PCCA: variants seen among roughly 807,000 people sequenced by gnomAD.
PCCA encodes the protein propionyl-CoA carboxylase subunit alpha, also known as propionyl-CoA carboxylase alpha chain, mitochondrial.
In PCCA, 74 loss-of-function variants were observed where a neutral mutation model predicts 101.3. The observed-to-expected ratio is 0.73, with a 90% CI of 0.61 to 0.89. PCCA has a LOEUF of 0.89. Ranked by LOEUF, PCCA falls within the 40% of genes least tolerant of loss-of-function variation. PCCA has a pLI of 0.00. For missense variants in PCCA, 891 were observed against 907.0 expected, an observed-to-expected ratio of 0.98 and a Z score of 0.23; for synonymous variants, 294 against 313.6, an observed-to-expected ratio of 0.94 and a Z score of 0.66.
At chr13:100,284,392 A>G (rs1203739168) in intron 12 of PCCA, among the ~76,000 whole-genome samples, 3 of 152,228 alleles carry the variant, frequency 2.0e-5, no homozygotes, top group African/African-American at 2.4e-5. Flanking sequence ...ACAATTTGGA[A>G]GGGCAAAAAA....
Position 100,268,756 on chromosome 13 carries a change from A to G in PCCA, c.887A>G (p.Asn296Ser). 6.2e-7 allele frequency: 1 copy of G among 1,614,062 alleles called. No individual in the cohort carries two copies. Among genetic ancestry groups the G allele is most frequent in the Non-Finnish European group, 8.5e-7 (1 of 1,179,872 alleles). The change falls in exon 11 of 24, where the codon AAT becomes AGT. Residue 296 changes from asparagine to serine, a missense_variant. Physicochemically the swap from Asn to Ser is conservative, Grantham distance 46. Transcript: ENST00000376285. ...AGAGAGTGCTCAATTCAGAGAAGAAATCAGAAGGTGGTGGAGGAAGCACCA... is the reference window on the plus strand; with the variant it reads ...AGAGAGTGCTCAATTCAGAGAAGAAGTCAGAAGGTGGTGGAGGAAGCACCA... Reference protein sequence around the residue: ...NERECSIQRRNQKVVEEAPSI... With the variant: ...NERECSIQRRSQKVVEEAPSI...
chr13:100,096,955 G>A (rs1199429686), intron 1 of PCCA, among the ~76,000 whole-genome samples: 1 of 152,220 alleles, frequency 6.6e-6, no homozygotes, highest in East Asian at 1.9e-4. Flanking sequence ...TTGGGAGGCC[G>A]AGGCGAGTGG....
rs554052367 is a variant in PCCA at position 100,472,322 on chromosome 13, C to T, written c.1899+23017C>T. Among the ~76,000 whole-genome samples the T allele has an allele frequency of 4.6e-5, 7 of 152,020 alleles. No homozygotes were observed. In the South Asian group the frequency reaches 8.3e-4, roughly 18 times the overall value. ...TCTCCGGGGACCCTCCCCTGTCTAC[C>T]GGGGAGAGTTCTCTGCTTCCTGCCT... On this transcript the variant is annotated intron_variant, in intron 21 of 23. Coordinates refer to ENST00000376285, the MANE Select transcript of PCCA (RefSeq NM_000282.4).
intron 16 of PCCA, among the ~76,000 whole-genome samples, chr13:100,312,724 A>G (rs1345761877): frequency 1.3e-5 from 2 of 152,242 alleles, no homozygotes; most frequent in Non-Finnish European, 1.5e-5. Flanking sequence ...ACAATGCATT[A>G]TTACTATAAA....
chr13:100,348,920 T>TTTCCTTCCTTCCTTCCTTCC (rs1555429132), intron 18 of PCCA, among the ~76,000 whole-genome samples: 1 of 89,018 alleles, frequency 1.1e-5, no homozygotes, highest in Non-Finnish European at 2.3e-5. Flanking sequence ...CTTTCTTTTC[T>TTTCCTTCCTTCCTTCCTTCC]TTTCTTTTCT....
chr13:100,370,406 A>G (rs1204743268), intron 19 of PCCA, among the ~76,000 whole-genome samples: 2 of 152,024 alleles, frequency 1.3e-5, no homozygotes, highest in African/African-American at 2.4e-5. Flanking sequence ...CCATGTTGAA[A>G]AGTAGAGACC....
At chr13:100,159,577 A>G (rs2054242388) in intron 6 of PCCA, among the ~76,000 whole-genome samples, 1 of 152,218 alleles carries the variant, frequency 6.6e-6, no homozygotes, top group Admixed American at 6.5e-5. Context: ...ATACTGTGAG[A>G]TAAGATCAAT....
At chr13:100,109,011 A>G (rs1340373234) in intron 2 of PCCA, among the ~76,000 whole-genome samples, 2 of 152,188 alleles carry the variant, frequency 1.3e-5, no homozygotes, top group African/African-American at 4.8e-5. Flanking sequence ...CTTAACAGAG[A>G]AGATGTGTCA....
chr13:100,238,285 C>T (rs1229811896), intron 8 of PCCA, among the ~76,000 whole-genome samples: 1 of 152,110 alleles, frequency 6.6e-6, no homozygotes, highest in Non-Finnish European at 1.5e-5. Context: ...ATAACCAGCT[C>T]ATCATGATGG....
At chr13:100,159,685 A>C (rs1459190361) in intron 6 of PCCA, among the ~76,000 whole-genome samples, 1 of 152,178 alleles carries the variant, frequency 6.6e-6, no homozygotes, top group Non-Finnish European at 1.5e-5. Context: ...CTTTCACACG[A>C]GTTTTCTTTC....
At chr13:100,441,154 C>A (rs1412735831) in intron 20 of PCCA, among the ~76,000 whole-genome samples, 1 of 152,172 alleles carries the variant, frequency 6.6e-6, no homozygotes, top group Non-Finnish European at 1.5e-5. Flanking sequence ...CCCACACATA[C>A]AAGCTTTTCT....
chr13:100,515,667 C>G (rs562288506), intron 22 of PCCA, 100 bp downstream of exon 22: 6 of 1,430,190 alleles, frequency 4.2e-6, no homozygotes, highest in Non-Finnish European at 1.9e-6. Context: ...CTTTGCAGTT[C>G]TTACTTAACC....
At chr13:100,145,201 T>C (rs545467703) in intron 4 of PCCA, among the ~76,000 whole-genome samples, 1 of 152,316 alleles carries the variant, frequency 6.6e-6, no homozygotes, top group East Asian at 1.9e-4. Context: ...CAACCTAAAA[T>C]ATCTTTATAG....
chr13:100,473,567 G>A (rs2083186128), intron 21 of PCCA, among the ~76,000 whole-genome samples: 1 of 152,112 alleles, frequency 6.6e-6, no homozygotes, highest in Non-Finnish European at 1.5e-5. Flanking sequence ...TATATTTCAC[G>A]AAGAGAGCCT....
At chr13:100,293,269 T>C (rs950513641) in intron 12 of PCCA, 2 of 471,426 alleles carry the variant, frequency 4.2e-6, no homozygotes, top group South Asian at 3.1e-5. Context: ...AGTACAATTG[T>C]TGAAATTCTG....
rs1387082838 is a variant in PCCA, at chr13:100,474,464, C to CTG, written c.1899+25160_1899+25161insGT. On this transcript the variant is annotated intron_variant, in intron 21 of 23. Transcript: ENST00000376285. ...TTTCTCTCTCTCTCTCTCTCTCTCT[C>CTG]TCTCTGTCTCTGTCTCTGTCTCTGT... Among the ~76,000 whole-genome samples, 710 of 149,240 alleles carry CTG rather than the reference C, an allele frequency of 4.8e-3. 34 individuals are homozygous for CTG. The East Asian group carries it at 0.097, about 20-fold the overall frequency.
At chr13:100,437,402 C>T (rs935052891) in intron 20 of PCCA, among the ~76,000 whole-genome samples, 9 of 151,180 alleles carry the variant, frequency 6.0e-5, no homozygotes, top group Non-Finnish European at 1.2e-4. Context: ...ATTGAGAACT[C>T]TTGAAAATAA....
At chr13:100,110,015 T>TC (rs1230461394) in intron 2 of PCCA, among the ~76,000 whole-genome samples, 2 of 152,068 alleles carry the variant, frequency 1.3e-5, no homozygotes, top group Non-Finnish European at 2.9e-5. Context: ...GCACCTGTAA[T>TC]CCCAGCTATT....
At chr13:100,406,294 T>TTTTTCTC (rs780005162) in intron 19 of PCCA, among the ~76,000 whole-genome samples, 66 of 152,178 alleles carry the variant, frequency 4.3e-4, no homozygotes, top group Non-Finnish European at 7.9e-4. Context: ...TTGTCATAAG[T>TTTTTCTC]TAAGAACACT....
Sources: allele counts gnomAD v4.1 joint callset (sites outside exome capture counted in the v4.1 genomes callset), GRCh38; gene constraint gnomAD v4.1.1; transcripts MANE v1.5; gene names NCBI Gene and HGNC (gene_info 2026-07-23, HGNC 2026-07-21).